Variants in FRMPD4 observed in about 807,000 individuals in gnomAD.
FRMPD4 encodes the protein FERM and PDZ domain-containing protein 4.
In FRMPD4, 22 loss-of-function variants were observed where a neutral mutation model predicts 94.1. That is an observed-to-expected ratio of 0.23 (90% CI 0.17 to 0.33). FRMPD4 has a LOEUF of 0.33. Among genes scored for constraint, FRMPD4 ranks in the 10% least tolerant of loss-of-function variants. FRMPD4 has a pLI of 1.00. For synonymous variants in FRMPD4, 631 were observed against 548.6 expected (o/e 1.15, Z -2.10); for missense variants, 1,111 against 1,339.9 (o/e 0.83, Z 2.67).
At chrX:12,186,017 A>G (rs903168945) in intron 1 of FRMPD4, among the ~76,000 whole-genome samples, 1 of 112,052 alleles carries the variant, frequency 8.9e-6, no homozygotes, top group Admixed American at 9.5e-5. Context: ...CCATAGGTAC[A>G]GTTACACATC....
chrX:12,062,782 A>G (rs902803399), intron 3 of FRMPD4, among the ~76,000 whole-genome samples: 27 of 111,884 alleles, frequency 2.4e-4, no homozygotes, highest in Admixed American at 1.8e-3. Context: ...AAGATTTTCT[A>G]TCTCACATGT....
chrX:12,594,255 T>C (rs755477044), intron 2 of FRMPD4, among the ~76,000 whole-genome samples: 16 of 111,342 alleles, frequency 1.4e-4, no homozygotes, highest in South Asian at 3.8e-4. Flanking sequence ...TGCTTAGAAA[T>C]GTCCTTCCTA....
chrX:11,840,728 ATTTTTTAT>A (rs1240596514), intron 1 of FRMPD4, among the ~76,000 whole-genome samples: 3 of 93,467 alleles, frequency 3.2e-5, no homozygotes, highest in African/African-American at 1.1e-4. Context: ...TTTATTTTTT[ATTTTTTAT>A]TTTTTTTTAA....
At chrX:12,307,268 G>A (rs1044494420) in intron 1 of FRMPD4, among the ~76,000 whole-genome samples, 15 of 112,137 alleles carry the variant, frequency 1.3e-4, no homozygotes, top group African/African-American at 4.9e-4. Context: ...ACAATGATAG[G>A]GAAGAGACTA....
chrX:11,830,865 G>A (rs1432328210), intron 1 of FRMPD4, among the ~76,000 whole-genome samples: 2 of 110,978 alleles, frequency 1.8e-5, no homozygotes, highest in Non-Finnish European at 3.8e-5. Context: ...ATAATATGAA[G>A]GTCTTAATAA....
intron 1 of FRMPD4, among the ~76,000 whole-genome samples, chrX:12,360,246 A>G (rs2055963869): frequency 1.8e-5 from 2 of 112,017 alleles, no homozygotes; most frequent in African/African-American, 6.5e-5. Context: ...CTCAGTGTGA[A>G]TAAGTTCATT....
chrX:12,163,920 A>G (rs2147625644), intron 1 of FRMPD4, among the ~76,000 whole-genome samples: 2 of 111,936 alleles, frequency 1.8e-5, no homozygotes, highest in Admixed American at 9.5e-5. Context: ...TTACCATCTC[A>G]TGGGATTTGG....
intron 3 of FRMPD4, among the ~76,000 whole-genome samples, chrX:11,946,365 G>C: frequency 8.9e-6 from 1 of 111,878 alleles, no homozygotes; most frequent in East Asian, 2.8e-4. Context: ...ACACATTGTA[G>C]GGTTGCACTT....
At chrX:12,353,669 G>A (rs1232417372) in intron 1 of FRMPD4, among the ~76,000 whole-genome samples, 1 of 112,052 alleles carries the variant, frequency 8.9e-6, no homozygotes, top group African/African-American at 3.3e-5. Flanking sequence ...TAAACTTCAG[G>A]TCCCAGCAAA....
At chrX:12,558,406 T>C (rs1383909758) in intron 2 of FRMPD4, among the ~76,000 whole-genome samples, 2 of 113,006 alleles carry the variant, frequency 1.8e-5, no homozygotes, top group African/African-American at 6.4e-5. Flanking sequence ...ACCAATGTTC[T>C]TTTTGTAAAT....
chrX:12,457,339 G>C (rs2057344268), intron 1 of FRMPD4, among the ~76,000 whole-genome samples: 1 of 111,311 alleles, frequency 9.0e-6, no homozygotes, highest in Non-Finnish European at 1.9e-5. Context: ...CATTGCAGTG[G>C]TCCTCATGTT....
intron 1 of FRMPD4, among the ~76,000 whole-genome samples, chrX:12,224,151 G>C (rs1440803181): frequency 1.8e-5 from 2 of 111,435 alleles, no homozygotes; most frequent in Non-Finnish European, 3.8e-5. Context: ...GAGAACCAAT[G>C]ATGTAACAAA....
At chrX:12,568,255 A>G (rs192525987) in intron 2 of FRMPD4, among the ~76,000 whole-genome samples, 146 of 112,217 alleles carry the variant, frequency 1.3e-3, no homozygotes, top group Middle Eastern at 4.6e-3. Flanking sequence ...TTGGAGTTCT[A>G]TAGTTCAAAT....
At chrX:12,156,125 A>T (rs1400938375) in intron 1 of FRMPD4, among the ~76,000 whole-genome samples, 2 of 111,780 alleles carry the variant, frequency 1.8e-5, no homozygotes, top group African/African-American at 3.3e-5. Context: ...TGGAGGTCCT[A>T]TTGGCATATA....
At chrX:12,581,162 A>C (rs916125973) in intron 2 of FRMPD4, among the ~76,000 whole-genome samples, 7 of 112,698 alleles carry the variant, frequency 6.2e-5, no homozygotes, top group Non-Finnish European at 1.3e-4. Context: ...GACAGTATGC[A>C]GTTTGAGTCC....
rs191968938 is a variant in FRMPD4 at position 12,599,415 on chromosome X, T to C, written c.159-10306T>C. On this transcript the variant is annotated intron_variant, in intron 2 of 16. Transcript: ENST00000675598. The stretch of plus-strand genomic sequence containing the variant: ...GTTGACACCTGAGAAAGGTTTGGGG[T>C]GGTTACATTTCCAATCCCCAAAGGA... Among the ~76,000 whole-genome samples, 124 of 111,359 alleles carry C rather than the reference T, an allele frequency of 1.1e-3. 1 individual carries two copies. Among genetic ancestry groups the C allele is most frequent in the Middle Eastern group, 4.6e-3 (1 of 218 alleles).
intron 1 of FRMPD4, among the ~76,000 whole-genome samples, chrX:11,861,063 T>C (rs2147297379): frequency 8.9e-6 from 1 of 112,149 alleles, no homozygotes; most frequent in South Asian, 3.7e-4. Context: ...ACTCATAAAA[T>C]TTTGAGGTAT....
At position 12,717,894 on chromosome X, in the gene FRMPD4, G is replaced by C. The variant is rs1208068583; in HGVS notation, c.3068G>C (p.Cys1023Ser). 1 of 1,211,808 alleles carries C rather than the reference G, an allele frequency of 8.3e-7. No individual in the cohort carries two copies. The highest frequency in any genetic ancestry group is 1.1e-6 in the Non-Finnish European group (1 of 895,388). ...KLHMGSVAYS[C>S]TSKRKSKLAD... ...CACATGGGGTCGGTGGCATACTCCT[G>C]CACTAGCAAAAGGAAAAGCAAGCTG... The change falls in exon 16 of 17, where the codon TGC (cysteine) becomes TCC (serine). Residue 1023 changes from cysteine (C) to serine (S), a missense_variant. Physicochemically the swap from Cys to Ser is moderately radical, Grantham distance 112. Transcript: ENST00000675598.
rs1215778927 is a variant in FRMPD4 at position 12,723,222 on chromosome X, C to T, written c.*1364C>T. 1 of 111,390 alleles carries T rather than the reference C, an allele frequency of 9.0e-6. No individual in the cohort carries two copies. The highest frequency in any genetic ancestry group is 1.9e-5 in the Non-Finnish European group (1 of 53,014). The allele number at this position is 111,390 out of a possible 1,213,427, so 9.2% of individuals were successfully genotyped here. ...CAGGACTGTCACATCTCTAAAAGTACCCTGCAGTCATAAAATAAAATCGAT... is the reference window on the plus strand; with the variant it reads ...CAGGACTGTCACATCTCTAAAAGTATCCTGCAGTCATAAAATAAAATCGAT... On this transcript the variant is annotated 3_prime_UTR_variant, in exon 17 of 17. Transcript: ENST00000675598.
Sources: gnomAD v4.1 joint callset for allele counts (sites outside exome capture counted in the v4.1 genomes callset) on GRCh38, gnomAD v4.1.1 for gene constraint, MANE v1.5 for transcripts, NCBI Gene and HGNC (gene_info 2026-07-23, HGNC 2026-07-21) for gene names.